DCBLD1: variants seen among roughly 807,000 people sequenced by gnomAD.
The protein encoded by DCBLD1 is discoidin, CUB and LCCL domain containing 1.
In DCBLD1, 57 loss-of-function variants were observed where a neutral mutation model predicts 71.5. The observed-to-expected ratio is 0.80, with a 90% CI of 0.64 to 0.99. DCBLD1 has a LOEUF of 0.99. Among genes scored for constraint, DCBLD1 ranks in the 50% least tolerant of loss-of-function variants. The pLI is 0.00. For missense variants in DCBLD1, 891 were observed against 923.5 expected (o/e 0.96, Z 0.46); for synonymous variants, 380 against 363.8 (o/e 1.04, Z -0.51).
At chr6:117,567,276 C>A (rs925408606) in intron 14 of DCBLD1, among the ~76,000 whole-genome samples, 1 of 152,054 alleles carries the variant, frequency 6.6e-6, no homozygotes, top group African/African-American at 2.4e-5. Flanking sequence ...TGACCATAGT[C>A]TTTTTGCTAA....
chr6:117,522,092 A>G (rs758877631), intron 4 of DCBLD1, among the ~76,000 whole-genome samples: 20 of 152,156 alleles, frequency 1.3e-4, no homozygotes, highest in Non-Finnish European at 2.4e-4. Flanking sequence ...CTAGAGAAAA[A>G]CCTACTGCAA....
chr6:117,551,670 C>T (rs780284273), downstream of DCBLD1, among the ~76,000 whole-genome samples: 36 of 152,220 alleles, frequency 2.4e-4, no homozygotes, highest in Non-Finnish European at 4.3e-4. Flanking sequence ...TGAGCCACCG[C>T]GCCCGGCTTC....
chr6:117,503,928 C>G lies in DCBLD1; in HGVS notation c.274C>G (p.Gln92Glu). 1 of 1,614,150 alleles carries G rather than the reference C, an allele frequency of 6.2e-7. No individual in the cohort carries two copies. Among genetic ancestry groups the G allele is most frequent in the East Asian group, 2.2e-5 (1 of 44,868 alleles). ...GTTGGGAGATTTGGATATCGAATCC[C>G]AGACCTGTGCTTCTGACTATCTTCT... ...LRLGDLDIES[Q>E]TCASDYLLFT... Residue 92 changes from glutamine (Q) to glutamate (E), a missense_variant, in exon 2 of 15, where the codon CAG (glutamine) becomes GAG (glutamate). Coordinates refer to ENST00000338728, the MANE Select transcript of DCBLD1 (RefSeq NM_001366458.2).
At chr6:117,484,708 T>C (rs1294243322) in intron 1 of DCBLD1, among the ~76,000 whole-genome samples, 1 of 152,210 alleles carries the variant, frequency 6.6e-6, no homozygotes, top group Non-Finnish European at 1.5e-5. Context: ...AATGCTACCA[T>C]CTGTGTTATA....
chr6:117,514,451 C>CA (rs1266514443), intron 2 of DCBLD1, among the ~76,000 whole-genome samples: 6 of 152,000 alleles, frequency 3.9e-5, no homozygotes, highest in African/African-American at 1.2e-4. Context: ...CAAAAAAAAT[C>CA]AAAAAATTAG....
intron 2 of DCBLD1, among the ~76,000 whole-genome samples, chr6:117,514,756 A>T (rs1249585430): frequency 1.3e-5 from 2 of 152,078 alleles, no homozygotes; most frequent in Non-Finnish European, 2.9e-5. Flanking sequence ...TCCTTCTTTG[A>T]TCTGCTTCCA....
chr6:117,559,402 G>A lies in DCBLD1; in HGVS notation c.1616-10218G>A, dbSNP rs188166423. On this transcript the variant is annotated intron_variant, in intron 14 of 14. Coordinates refer to the DCBLD1 transcript ENST00000296955. ...CTACAATGTAATCCTAAGGGAGTTT[G>A]GCAAGACCATCGTGGAGTGCTCCAG... Among the ~76,000 whole-genome samples, 449 of 152,310 alleles carry A rather than the reference G, an allele frequency of 2.9e-3. 3 individuals carry two copies. The highest frequency in any genetic ancestry group is 0.01 in the African/African-American group (431 of 41,568).
chr6:117,536,350 C>G (rs915706803), intron 6 of DCBLD1, among the ~76,000 whole-genome samples: 2 of 152,286 alleles, frequency 1.3e-5, no homozygotes, highest in East Asian at 3.9e-4. Flanking sequence ...ATTTTCCATT[C>G]GTTCTCTGTA....
rs115506322 is a variant in DCBLD1, at chr6:117,544,838, C to T, written c.1495+261C>T. Among the ~76,000 whole-genome samples the T allele has an allele frequency of 2.8e-3, 418 of 150,980 alleles. 1 individual carries two copies. The highest frequency in any genetic ancestry group is 9.6e-3 in the African/African-American group (390 of 40,554). ...TTCTTGGCCACTGGAGTTTAGGCCA[C>T]GACACTGTCTGCCATCAAGGAGGTA... is the stretch of plus-strand genomic sequence containing the variant. On this transcript the variant is annotated intron_variant, in intron 13 of 14. Coordinates refer to ENST00000338728, the MANE Select transcript of DCBLD1 (RefSeq NM_001366458.2).
chr6:117,536,668 G>T (rs1402551225), intron 6 of DCBLD1, among the ~76,000 whole-genome samples: 1 of 152,208 alleles, frequency 6.6e-6, no homozygotes, highest in African/African-American at 2.4e-5. Flanking sequence ...GGCAGAGACT[G>T]TCCCCAGAGT....
At chr6:117,555,275 C>T (rs1779482319) in intron 14 of DCBLD1, among the ~76,000 whole-genome samples, 1 of 152,148 alleles carries the variant, frequency 6.6e-6, no homozygotes, top group Non-Finnish European at 1.5e-5. Flanking sequence ...GGGTATTTCT[C>T]TCTTATTTCT....
At chr6:117,489,523 A>G (rs561973224) in intron 1 of DCBLD1, among the ~76,000 whole-genome samples, 1 of 152,310 alleles carries the variant, frequency 6.6e-6, no homozygotes, top group East Asian at 1.9e-4. Context: ...GTAACAGCTT[A>G]AGTAGCTCTG....
At chr6:117,561,927 A>G (rs1240462979) in intron 14 of DCBLD1, 2 of 208,298 alleles carry the variant, frequency 9.6e-6, no homozygotes, top group African/African-American at 4.5e-5. Context: ...GTTTTATCAC[A>G]TAACATCTGA....
intron 14 of DCBLD1, chr6:117,569,591 A>C: frequency 6.2e-7 from 1 of 1,613,102 alleles, no homozygotes; most frequent in Non-Finnish European, 8.5e-7. Flanking sequence ...AAGAATAGTT[A>C]CAGCTTCTTT....
rs140824778 is a variant in DCBLD1 at position 117,538,652 on chromosome 6, G to A, written c.793G>A (p.Gly265Arg). ...CAGATCCTTGAGTTTTGAACCTGAC[G>A]GGCAAATCAGAGCTTCTTCCTCATG... ...CSRSLSFEPD[G>R]QIRASSSWQS... is the part of the protein sequence containing the mutation. The change falls in exon 8 of 15, where the codon GGG becomes AGG. Residue 265 changes from glycine (G) to arginine (R), a missense_variant. Physicochemically the swap from Gly to Arg is moderately radical, Grantham distance 125. Transcript: ENST00000338728. 51 of 1,613,880 alleles carry A rather than the reference G, an allele frequency of 3.2e-5. No homozygotes were observed. In the African/African-American group the frequency reaches 4.3e-4, roughly 14 times the overall value.
chr6:117,499,798 G>T (rs563597909), intron 1 of DCBLD1, among the ~76,000 whole-genome samples: 1 of 152,300 alleles, frequency 6.6e-6, no homozygotes, highest in South Asian at 2.1e-4. Flanking sequence ...GCTATGAGAG[G>T]TAGGCTACCT....
chr6:117,500,728 G>A (rs190161946), intron 1 of DCBLD1, among the ~76,000 whole-genome samples: 1 of 151,974 alleles, frequency 6.6e-6, no homozygotes, highest in Non-Finnish European at 1.5e-5. Context: ...TTAGCCGTAC[G>A]TAAATGCACC....
chr6:117,501,829 C>T (rs1240879853), intron 1 of DCBLD1, among the ~76,000 whole-genome samples: 2 of 152,198 alleles, frequency 1.3e-5, no homozygotes, highest in Non-Finnish European at 2.9e-5. Flanking sequence ...AGGAATTTAG[C>T]CGTCACCTCA....
chr6:117,505,270 G>A lies in DCBLD1; in HGVS notation c.325+1291G>A, dbSNP rs144769599. On this transcript the variant is annotated intron_variant, in intron 2 of 14. Coordinates refer to ENST00000338728, the MANE Select transcript of DCBLD1 (RefSeq NM_001366458.2). Reference sequence around the variant, plus strand: ...CTGAAGGCCCCTGGGAACATTTATTGTTCCATTACCTCTGGTAATCTAATG... The same window carrying A: ...CTGAAGGCCCCTGGGAACATTTATTATTCCATTACCTCTGGTAATCTAATG... Among the ~76,000 whole-genome samples, 9 of 152,268 alleles carry A rather than the reference G, an allele frequency of 5.9e-5. No individual in the cohort carries two copies. In the South Asian group the frequency reaches 8.3e-4, roughly 14 times the overall value.
Sources: allele counts gnomAD v4.1 joint callset (sites outside exome capture counted in the v4.1 genomes callset), GRCh38; gene constraint gnomAD v4.1.1; transcripts MANE v1.5; gene names NCBI Gene and HGNC (gene_info 2026-07-23, HGNC 2026-07-21).